The following CAPN14 variants were observed in gnomAD, a reference collection of about 807,000 sequenced individuals.
The protein encoded by CAPN14 is calpain 14.
CAPN14 carries 94 observed loss-of-function variants against 101.3 expected under a neutral mutation model. The ratio of observed to expected loss-of-function variants is 0.93; its 90% CI spans 0.79 to 1.10. The LOEUF (loss-of-function observed/expected upper bound fraction) is 1.10. CAPN14 is among the 50% of genes least tolerant of loss of function. The pLI, the probability that CAPN14 is intolerant of heterozygous loss-of-function variation, is 0.00. For missense variants in CAPN14, 837 were observed against 828.4 expected (o/e 1.01, Z -0.13); for synonymous variants, 338 against 317.9 (o/e 1.06, Z -0.67).
intron 2 of CAPN14, among the ~76,000 whole-genome samples, chr2:31,224,695 T>C (rs1682969030): frequency 6.6e-6 from 1 of 151,930 alleles, no homozygotes; most frequent in Non-Finnish European, 1.5e-5. Context: ...AAAATAACTA[T>C]ATATATTGTT....
At chr2:31,175,477 C>T (rs907659436) in intron 21 of CAPN14, among the ~76,000 whole-genome samples, 1 of 152,230 alleles carries the variant, frequency 6.6e-6, no homozygotes, top group Non-Finnish European at 1.5e-5. Context: ...CCACTGGACC[C>T]TGCTCAGTTT....
chr2:31,174,731 G>C, intron 21 of CAPN14, 24 bp from the exon 22 acceptor site: 1 of 1,551,444 alleles, frequency 6.4e-7, no homozygotes, highest in South Asian at 1.2e-5. Context: ...GAAAGCAAAT[G>C]ATGGTCAGTT....
At chr2:31,218,750 T>C (rs1035222464), upstream of CAPN14, among the ~76,000 whole-genome samples, 5 of 152,174 alleles carry the variant, frequency 3.3e-5, no homozygotes, top group Admixed American at 6.5e-5. Flanking sequence ...GAGATGGGGC[T>C]AAAGTCCCAG....
chr2:31,179,253 G>A (rs892565020), intron 17 of CAPN14, among the ~76,000 whole-genome samples: 1 of 151,782 alleles, frequency 6.6e-6, no homozygotes, highest in Non-Finnish European at 1.5e-5. Flanking sequence ...CCCAGGGTGT[G>A]ATGTTCCCCA....
intron 1 of CAPN14, among the ~76,000 whole-genome samples, chr2:31,208,028 G>A (rs1380437723): frequency 6.6e-6 from 1 of 152,078 alleles, no homozygotes; most frequent in African/African-American, 2.4e-5. Context: ...TCTGAGAGCT[G>A]AGGGCAGTCG....
intron 1 of CAPN14, among the ~76,000 whole-genome samples, chr2:31,210,919 T>G (rs890273494): frequency 6.6e-6 from 1 of 152,120 alleles, no homozygotes; most frequent in Non-Finnish European, 1.5e-5. Context: ...GAATTTCATG[T>G]TATTTCTTCT....
chr2:31,183,651 C>G (rs868079197), intron 16 of CAPN14, among the ~76,000 whole-genome samples: 1 of 152,172 alleles, frequency 6.6e-6, no homozygotes, highest in South Asian at 2.1e-4. Flanking sequence ...GATCTCACAC[C>G]AGTTAGAATG....
At chr2:31,211,894 G>A (rs1682418702) in intron 1 of CAPN14, among the ~76,000 whole-genome samples, 1 of 152,064 alleles carries the variant, frequency 6.6e-6, no homozygotes, top group Admixed American at 6.6e-5. Context: ...TGGTTACCTG[G>A]GGCTAGGAGA....
chr2:31,182,066 T>G (rs2148674261), intron 16 of CAPN14, among the ~76,000 whole-genome samples: 1 of 152,282 alleles, frequency 6.6e-6, no homozygotes, highest in Non-Finnish European at 1.5e-5. Flanking sequence ...TCAAATGGTA[T>G]TTCTAGTTCT....
intron 1 of CAPN14, among the ~76,000 whole-genome samples, chr2:31,229,728 T>C (rs1452511365): frequency 2.7e-5 from 4 of 150,172 alleles, no homozygotes; most frequent in Non-Finnish European, 4.4e-5. Flanking sequence ...AAACAGTGTA[T>C]ATATAGTATA....
At chr2:31,188,198 G>C (rs1680999025) in intron 14 of CAPN14, 120 bp downstream of exon 14, 2 of 875,988 alleles carry the variant, frequency 2.3e-6, no homozygotes, top group Admixed American at 4.2e-5. Context: ...GTTTGCCATA[G>C]AACAGGGTCT....
In CAPN14 at chr2:31,173,896, T is replaced by G. The variant is rs1435968497; in HGVS notation, c.*785A>C. Reference sequence around the variant, plus strand: ...ACTCTATAATTTAGCATGGGTTTGTTTTTGTCCTTTGAAGTAGATAGACAG... The same window carrying G: ...ACTCTATAATTTAGCATGGGTTTGTGTTTGTCCTTTGAAGTAGATAGACAG... On this transcript the variant is annotated 3_prime_UTR_variant, in exon 22 of 22. Transcript: ENST00000403897. The G allele has an allele frequency of 6.6e-6, 1 of 152,192 alleles. No individual in the cohort carries two copies. The highest frequency in any genetic ancestry group is 1.5e-5 in the Non-Finnish European group (1 of 68,036). The allele number at this position is 152,192 out of a possible 1,614,324, so 9.4% of individuals were successfully genotyped here.
At chr2:31,212,312 C>CAAAAAAAAAAAAA (rs72155600) in intron 1 of CAPN14, among the ~76,000 whole-genome samples, 2 of 110,438 alleles carry the variant, frequency 1.8e-5, no homozygotes, top group African/African-American at 7.7e-5. Context: ...CGTCTCAAAA[C>CAAAAAAAAAAAAA]AAAAAAAAAA....
intron 14 of CAPN14, 58 bp downstream of exon 14, chr2:31,188,260 C>A: frequency 2.7e-6 from 4 of 1,481,134 alleles, no homozygotes; most frequent in Non-Finnish European, 1.8e-6. Flanking sequence ...AGGGAGAAAC[C>A]CAACACCCTG....
chr2:31,196,625 G>A (rs1472390595), intron 8 of CAPN14, among the ~76,000 whole-genome samples: 1 of 152,150 alleles, frequency 6.6e-6, no homozygotes, highest in Non-Finnish European at 1.5e-5. Context: ...CAGAATGAAG[G>A]ACTTTAGGAC....
intron 2 of CAPN14, 63 bp downstream of exon 2, chr2:31,205,160 C>T (rs369986155): frequency 8.4e-5 from 117 of 1,387,838 alleles, no homozygotes; most frequent in African/African-American, 3.6e-4. Flanking sequence ...ATATCTTAGG[C>T]GCAGTATCTG....
At chr2:31,176,896 C>T (rs1234058472) in intron 20 of CAPN14, 130 bp downstream of exon 20, 13 of 731,102 alleles carry the variant, frequency 1.8e-5, no homozygotes, top group Non-Finnish European at 2.1e-5. Flanking sequence ...GGCTGGAGGT[C>T]CCCACAGCTT....
chr2:31,226,337 AGG>A (rs1290890081), intron 2 of CAPN14, among the ~76,000 whole-genome samples: 1 of 152,180 alleles, frequency 6.6e-6, no homozygotes, highest in Non-Finnish European at 1.5e-5. Flanking sequence ...ATAACATATA[AGG>A]TTATAATAAT....
At chr2:31,210,992 T>C (rs1349000820) in intron 1 of CAPN14, among the ~76,000 whole-genome samples, 1 of 152,160 alleles carries the variant, frequency 6.6e-6, no homozygotes, top group Non-Finnish European at 1.5e-5. Flanking sequence ...ATCCGAATTA[T>C]TTTCCTAGGA....
Sources: gnomAD v4.1 joint callset for allele counts (sites outside exome capture counted in the v4.1 genomes callset) on GRCh38, gnomAD v4.1.1 for gene constraint, MANE v1.5 for transcripts, NCBI Gene and HGNC (gene_info 2026-07-23, HGNC 2026-07-21) for gene names.